The following DISP1 variants were observed in gnomAD, a reference collection of about 807,000 sequenced individuals.
DISP1 encodes the protein protein dispatched homolog 1.
In DISP1, 30 loss-of-function variants were observed where a neutral mutation model predicts 37.3. That is an observed-to-expected ratio of 0.80 (90% CI 0.60 to 1.09). The LOEUF is 1.09. Ranked by LOEUF, DISP1 falls within the 50% of genes least tolerant of loss-of-function variation. DISP1 has a pLI of 0.00. For synonymous variants in DISP1, 634 were observed against 690.2 expected, an observed-to-expected ratio of 0.92 and a Z score of 1.28; for missense variants, 1,598 against 1,879.5, an observed-to-expected ratio of 0.85 and a Z score of 2.77.
chr1:222,872,597 A>T (rs1025391438), intron 1 of DISP1, among the ~76,000 whole-genome samples: 8 of 152,072 alleles, frequency 5.3e-5, no homozygotes, highest in African/African-American at 1.9e-4. Flanking sequence ...GGTAGTTTGT[A>T]TTTCTGTGAG....
intron 1 of DISP1, among the ~76,000 whole-genome samples, chr1:222,845,849 C>T (rs1667865621): frequency 6.6e-6 from 1 of 152,168 alleles, no homozygotes; most frequent in African/African-American, 2.4e-5. Flanking sequence ...GTACTAGCCA[C>T]TTGACATGCT....
At chr1:222,985,783 A>T (rs1319337190) in intron 4 of DISP1, among the ~76,000 whole-genome samples, 2 of 152,210 alleles carry the variant, frequency 1.3e-5, no homozygotes, top group African/African-American at 4.8e-5. Context: ...CCATTTTTGT[A>T]TTCCCAGAAT....
chr1:222,853,369 C>T (rs1301081134), intron 1 of DISP1, among the ~76,000 whole-genome samples: 1 of 152,112 alleles, frequency 6.6e-6, no homozygotes, highest in Admixed American at 6.6e-5. Flanking sequence ...AATAGTACTA[C>T]CATCTGATCC....
intron 1 of DISP1, among the ~76,000 whole-genome samples, chr1:222,826,715 T>C (rs1664546634): frequency 6.6e-6 from 1 of 152,146 alleles, no homozygotes; most frequent in African/African-American, 2.4e-5. Flanking sequence ...TTTAATGATT[T>C]GTGGTTGTTT....
intron 1 of DISP1, among the ~76,000 whole-genome samples, chr1:222,902,708 C>T (rs1429796173): frequency 6.6e-6 from 1 of 152,150 alleles, no homozygotes; most frequent in Non-Finnish European, 1.5e-5. Context: ...AAATGCTCAT[C>T]ATCACTGGCC....
intron 3 of DISP1, among the ~76,000 whole-genome samples, chr1:222,961,774 G>A (rs199664531): frequency 2.6e-5 from 4 of 152,306 alleles, no homozygotes; most frequent in South Asian, 2.1e-4. Flanking sequence ...TTGGGAGGCC[G>A]AGGCGGGTGG....
intron 3 of DISP1, among the ~76,000 whole-genome samples, chr1:222,944,577 T>C (rs984095042): frequency 1.3e-5 from 2 of 152,234 alleles, no homozygotes; most frequent in Non-Finnish European, 2.9e-5. Context: ...ACCCATATTT[T>C]GGTCTGATGT....
chr1:222,894,621 C>T (rs988784063), intron 1 of DISP1, among the ~76,000 whole-genome samples: 6 of 152,182 alleles, frequency 3.9e-5, no homozygotes, highest in African/African-American at 1.4e-4. Context: ...CTCGGGCCCC[C>T]AAGAGTGCAG....
intron 3 of DISP1, among the ~76,000 whole-genome samples, chr1:222,951,639 C>T (rs903789075): frequency 6.6e-6 from 1 of 152,212 alleles, no homozygotes; most frequent in African/African-American, 2.4e-5. Context: ...AAATGCTTCT[C>T]TAAGATGTTG....
At chr1:222,983,239 G>A in intron 4 of DISP1, 130 bp downstream of exon 4, 1 of 787,992 alleles carries the variant, frequency 1.3e-6, no homozygotes, top group East Asian at 2.5e-5. Context: ...AAAAAGAAAT[G>A]TCCCATGAGT....
chr1:222,869,707 A>T (rs61840278), intron 1 of DISP1, among the ~76,000 whole-genome samples: 18,063 of 152,098 alleles, frequency 0.12, 1,160 homozygotes, highest in African/African-American at 0.14. Context: ...AGAAAAATAG[A>T]GGGATTTTAT....
intron 3 of DISP1, among the ~76,000 whole-genome samples, chr1:222,976,261 A>G (rs1677319556): frequency 6.6e-6 from 1 of 152,102 alleles, no homozygotes; most frequent in Non-Finnish European, 1.5e-5. Context: ...CGTAGGTTTT[A>G]TTAGGTCGAT....
intron 2 of DISP1, among the ~76,000 whole-genome samples, chr1:222,930,393 C>G (rs1403230910): frequency 6.6e-6 from 1 of 152,006 alleles, no homozygotes; most frequent in Non-Finnish European, 1.5e-5. Flanking sequence ...AGCTCCTTAG[C>G]CTGTCAGCCT....
intron 1 of DISP1, among the ~76,000 whole-genome samples, chr1:222,903,228 C>T (rs967465535): frequency 4.2e-5 from 6 of 142,676 alleles, no homozygotes; most frequent in African/African-American, 1.3e-4. Flanking sequence ...TGTTCTCACT[C>T]ATAGGTGGGA....
intron 1 of DISP1, among the ~76,000 whole-genome samples, chr1:222,840,551 G>A (rs558763152): frequency 6.7e-5 from 9 of 133,656 alleles, no homozygotes; most frequent in African/African-American, 1.9e-4. Flanking sequence ...CATTAGTACA[G>A]TATCTCTTTT....
chr1:222,855,681 A>G (rs1235980226), intron 1 of DISP1, among the ~76,000 whole-genome samples: 1 of 152,200 alleles, frequency 6.6e-6, no homozygotes, highest in Non-Finnish European at 1.5e-5. Context: ...TTGGGAATTG[A>G]CTAGCTTAAT....
intron 3 of DISP1, among the ~76,000 whole-genome samples, chr1:222,960,310 A>C (rs1461974136): frequency 6.6e-6 from 1 of 152,212 alleles, no homozygotes; most frequent in South Asian, 2.1e-4. Flanking sequence ...ACTCAGGATT[A>C]AGAAACTCAC....
intron 1 of DISP1, among the ~76,000 whole-genome samples, chr1:222,876,348 C>T (rs1669974454): frequency 6.6e-6 from 1 of 152,098 alleles, no homozygotes; most frequent in Non-Finnish European, 1.5e-5. Context: ...ATAAATGAAG[C>T]AGAGTAGCAA....
At chr1:222,854,340 C>T (rs980687191) in intron 1 of DISP1, among the ~76,000 whole-genome samples, 1 of 152,010 alleles carries the variant, frequency 6.6e-6, no homozygotes, top group African/African-American at 2.4e-5. Context: ...ACAATCATGG[C>T]GGAAGGCATC....
Sources: gnomAD v4.1 joint callset for allele counts (sites outside exome capture counted in the v4.1 genomes callset) on GRCh38, gnomAD v4.1.1 for gene constraint, MANE v1.5 for transcripts, NCBI Gene and HGNC (gene_info 2026-07-23, HGNC 2026-07-21) for gene names.